BRINP1: variants seen among roughly 807,000 people sequenced by gnomAD.
BRINP1 encodes BMP/retinoic acid-inducible neural-specific protein 1.
BRINP1 carries 17 observed loss-of-function variants against 72.9 expected under a neutral mutation model. The ratio of observed to expected loss-of-function variants is 0.23; its 90% CI spans 0.16 to 0.35. The LOEUF (loss-of-function observed/expected upper bound fraction) is 0.35, where lower values mean the gene tolerates loss of function less well. BRINP1 is among the 10% of genes least tolerant of loss of function. The pLI, the probability that BRINP1 is intolerant of heterozygous loss-of-function variation, is 1.00. For synonymous variants in BRINP1, 418 were observed against 378.5 expected (o/e 1.10, Z -1.21); for missense variants, 850 against 1,001.6 (o/e 0.85, Z 2.04).
chr9:119,272,812 T>C (rs1286022263), intron 2 of BRINP1, among the ~76,000 whole-genome samples: 1 of 152,204 alleles, frequency 6.6e-6, no homozygotes, highest in African/African-American at 2.4e-5. Context: ...GCTCTCTCTG[T>C]TATCCATTCG....
chr9:119,238,410 CCTTA>C (rs10552440), intron 5 of BRINP1, among the ~76,000 whole-genome samples: 57,510 of 151,640 alleles, frequency 0.38, 12,192 homozygotes, highest in East Asian at 0.67. Flanking sequence ...GCTCACATTT[CCTTA>C]CTATCTGAAA....
At chr9:119,270,672 G>A (rs1830597538) in intron 2 of BRINP1, among the ~76,000 whole-genome samples, 1 of 152,154 alleles carries the variant, frequency 6.6e-6, no homozygotes, top group Non-Finnish European at 1.5e-5. Context: ...ACAATGAAAG[G>A]GGTAGTCAGA....
intron 1 of BRINP1, among the ~76,000 whole-genome samples, chr9:119,346,830 C>T (rs560301745): frequency 9.9e-5 from 15 of 152,260 alleles, no homozygotes; most frequent in African/African-American, 3.6e-4. Context: ...AAAGTAAAGG[C>T]TTTGGGTTGT....
intron 2 of BRINP1, among the ~76,000 whole-genome samples, chr9:119,311,127 TC>T (rs1368095038): frequency 6.6e-6 from 1 of 152,192 alleles, no homozygotes; most frequent in African/African-American, 2.4e-5. Flanking sequence ...TGTCAGTCTC[TC>T]CTATGACAGC....
intron 7 of BRINP1, among the ~76,000 whole-genome samples, chr9:119,186,756 G>T (rs567762312): frequency 6.6e-6 from 1 of 152,124 alleles, no homozygotes; most frequent in African/African-American, 2.4e-5. Context: ...CCTCCAATGC[G>T]CAGTAAAGCC....
intron 1 of BRINP1, among the ~76,000 whole-genome samples, chr9:119,356,635 T>C (rs1831569644): frequency 6.6e-6 from 1 of 151,836 alleles, no homozygotes; most frequent in Non-Finnish European, 1.5e-5. Flanking sequence ...GAAAACCTCA[T>C]CTCTACTAAA....
At chr9:119,240,196 G>A (rs1224358236) in intron 4 of BRINP1, among the ~76,000 whole-genome samples, 1 of 152,162 alleles carries the variant, frequency 6.6e-6, no homozygotes, top group Non-Finnish European at 1.5e-5. Flanking sequence ...TTGAAACCGG[G>A]AACTGGAGGT....
intron 1 of BRINP1, among the ~76,000 whole-genome samples, chr9:119,339,854 A>G (rs1246269101): frequency 4.6e-5 from 7 of 152,170 alleles, no homozygotes; most frequent in Non-Finnish European, 8.8e-5. Context: ...GCCATTCTAC[A>G]TGGCCCCAAA....
intron 7 of BRINP1, among the ~76,000 whole-genome samples, chr9:119,182,677 C>G (rs1829570975): frequency 6.6e-6 from 1 of 152,204 alleles, no homozygotes; most frequent in Non-Finnish European, 1.5e-5. Flanking sequence ...ACCAATCTAC[C>G]AGTACCTTGA....
intron 6 of BRINP1, among the ~76,000 whole-genome samples, chr9:119,209,204 C>A (rs1012620136): frequency 6.6e-6 from 1 of 152,184 alleles, no homozygotes; most frequent in Non-Finnish European, 1.5e-5. Flanking sequence ...GGAATACCAA[C>A]CTCATAGTAA....
chr9:119,228,260 A>G (rs1358001513), intron 5 of BRINP1, among the ~76,000 whole-genome samples: 1 of 151,954 alleles, frequency 6.6e-6, no homozygotes, highest in Non-Finnish European at 1.5e-5. Flanking sequence ...AATTATATTC[A>G]AAAACTCAAT....
chr9:119,264,885 C>G (rs1385735295), intron 2 of BRINP1, among the ~76,000 whole-genome samples: 1 of 152,190 alleles, frequency 6.6e-6, no homozygotes, highest in Non-Finnish European at 1.5e-5. Context: ...CTTGGCCAGG[C>G]TGGTCTTGAA....
rs371396032 is a variant in BRINP1, at chr9:119,282,423, A to G, written c.218+30715T>C. Among the ~76,000 whole-genome samples the G allele has an allele frequency of 1.4e-4, 21 of 152,328 alleles. No individual in the cohort carries two copies. The East Asian group carries it at 3.1e-3, about 22-fold the overall frequency. On this transcript the variant is annotated intron_variant, in intron 2 of 7. Transcript: ENST00000265922. The stretch of plus-strand genomic sequence containing the variant: ...GACCTTGGATTCCCATCTGGAAAAC[A>G]AGGAAGTTGGCATCTGATCATTAAA...
At chr9:119,257,239 C>CA (rs1830454878) in intron 2 of BRINP1, among the ~76,000 whole-genome samples, 1 of 152,132 alleles carries the variant, frequency 6.6e-6, no homozygotes, top group South Asian at 2.1e-4. Flanking sequence ...CATGGTTTCT[C>CA]ATAAAGAGAT....
chr9:119,172,096 T>C (rs1047232163), intron 7 of BRINP1, among the ~76,000 whole-genome samples: 1 of 147,644 alleles, frequency 6.8e-6, no homozygotes, highest in Non-Finnish European at 1.5e-5. Context: ...AGCAAACACA[T>C]TCAAAAGCTA....
chr9:119,352,566 C>A (rs545774865), intron 1 of BRINP1, among the ~76,000 whole-genome samples: 23 of 152,244 alleles, frequency 1.5e-4, no homozygotes, highest in South Asian at 2.1e-4. Context: ...CACCACCACA[C>A]CCAGCTGATT....
chr9:119,307,267 C>G (rs1286736827), intron 2 of BRINP1, among the ~76,000 whole-genome samples: 1 of 152,024 alleles, frequency 6.6e-6, no homozygotes, highest in Non-Finnish European at 1.5e-5. Flanking sequence ...TTTTTTTTAG[C>G]TCCTGTCTCT....
At chr9:119,359,541 A>G (rs1282679314) in intron 1 of BRINP1, among the ~76,000 whole-genome samples, 3 of 152,200 alleles carry the variant, frequency 2.0e-5, no homozygotes, top group African/African-American at 4.8e-5. Context: ...TACAGATAAG[A>G]AAACTGGCAC....
chr9:119,292,062 G>T (rs1330064889), intron 2 of BRINP1, among the ~76,000 whole-genome samples: 2 of 152,156 alleles, frequency 1.3e-5, no homozygotes, highest in African/African-American at 4.8e-5. Flanking sequence ...AGAAGGCAAA[G>T]AATTCACAGA....
Sources: gnomAD v4.1 joint callset for allele counts (sites outside exome capture counted in the v4.1 genomes callset) on GRCh38, gnomAD v4.1.1 for gene constraint, MANE v1.5 for transcripts, NCBI Gene and HGNC (gene_info 2026-07-23, HGNC 2026-07-21) for gene names.